DPP10: variants seen among roughly 807,000 people sequenced by gnomAD.
DPP10 encodes the protein dipeptidyl peptidase like 10.
In DPP10, 33 loss-of-function variants were observed where a neutral mutation model predicts 120.9. The ratio of observed to expected loss-of-function variants is 0.27; its 90% CI spans 0.21 to 0.37. DPP10 has a LOEUF of 0.37. DPP10 is among the 10% of genes least tolerant of loss of function. DPP10 has a pLI of 1.00. For synonymous variants in DPP10, 337 were observed against 326.1 expected, an observed-to-expected ratio of 1.03 and a Z score of -0.36; for missense variants, 816 against 942.8, an observed-to-expected ratio of 0.87 and a Z score of 1.76.
chr2:115,416,445 G>A (rs1356215494), intron 3 of DPP10, among the ~76,000 whole-genome samples: 1 of 152,074 alleles, frequency 6.6e-6, no homozygotes, highest in Admixed American at 6.6e-5. Context: ...AATGCAGGTG[G>A]ATAAGCAATA....
At chr2:114,889,785 A>G (rs1198888779) in intron 1 of DPP10, among the ~76,000 whole-genome samples, 1 of 152,222 alleles carries the variant, frequency 6.6e-6, no homozygotes, top group Non-Finnish European at 1.5e-5. Flanking sequence ...AATTTGACAG[A>G]TGATTGTCAC....
chr2:114,998,059 G>A (rs1701210441), intron 1 of DPP10, among the ~76,000 whole-genome samples: 1 of 152,122 alleles, frequency 6.6e-6, no homozygotes, highest in Non-Finnish European at 1.5e-5. Context: ...GCATCACCAT[G>A]ATTTCTCACT....
Position 115,625,085 on chromosome 2 carries a change from C to T in DPP10, c.442-64602C>T, listed in dbSNP as rs552547479. ...ACCTCTTTGGATAAATATATAAATG[C>T]TATTTAATAAAAAAAAAATGTGTCT... is the stretch of plus-strand genomic sequence containing the variant. On this transcript the variant is annotated intron_variant, in intron 5 of 25. Coordinates refer to ENST00000410059, the MANE Select transcript of DPP10 (RefSeq NM_020868.6). Among the ~76,000 whole-genome samples, 7 of 132,882 alleles carry T rather than the reference C, an allele frequency of 5.3e-5. No homozygotes were observed. The South Asian group carries it at 9.4e-4, about 18-fold the overall frequency. The allele number at this position is 132,882 out of a possible 152,430, so 87.2% of individuals were successfully genotyped here.
intron 1 of DPP10, among the ~76,000 whole-genome samples, chr2:114,602,885 T>G (rs902153164): frequency 6.6e-6 from 1 of 152,054 alleles, no homozygotes; most frequent in African/African-American, 2.4e-5. Context: ...AGAAACAATA[T>G]GAGATATTTA....
intron 21 of DPP10, among the ~76,000 whole-genome samples, chr2:115,822,967 TA>T: frequency 6.6e-6 from 1 of 152,210 alleles, no homozygotes; most frequent in East Asian, 1.9e-4. Context: ...GAGCTTTCTA[TA>T]AAAATGTTTA....
chr2:115,307,102 C>T (rs771008481), intron 1 of DPP10, among the ~76,000 whole-genome samples: 10 of 151,984 alleles, frequency 6.6e-5, no homozygotes, highest in South Asian at 2.1e-4. Context: ...CTTCAAATCC[C>T]GTTTTCTTAT....
intron 1 of DPP10, among the ~76,000 whole-genome samples, chr2:114,449,025 T>C (rs1210457662): frequency 6.6e-6 from 1 of 152,172 alleles, no homozygotes; most frequent in Non-Finnish European, 1.5e-5. Context: ...TATACTGACA[T>C]TTTGGCTTTT....
intron 1 of DPP10, among the ~76,000 whole-genome samples, chr2:114,633,029 G>A (rs7557857): frequency 0.097 from 14,691 of 151,746 alleles, 820 homozygotes; most frequent in Non-Finnish European, 0.13. Context: ...ATATAGCTCT[G>A]GTTCTTTTCA....
intron 3 of DPP10, among the ~76,000 whole-genome samples, chr2:115,409,941 A>G (rs906459890): frequency 3.9e-5 from 6 of 152,248 alleles, no homozygotes; most frequent in Non-Finnish European, 7.3e-5. Flanking sequence ...GTGTTCTCAC[A>G]TATAAGCAGG....
At chr2:115,182,124 A>C (rs1023964404) in intron 1 of DPP10, among the ~76,000 whole-genome samples, 4 of 152,232 alleles carry the variant, frequency 2.6e-5, no homozygotes, top group African/African-American at 9.6e-5. Context: ...TTTGAGAATA[A>C]ATCTAATGTA....
Position 115,225,118 on chromosome 2 carries a change from A to G in DPP10, c.61-84121A>G, listed in dbSNP as rs559965501. The stretch of plus-strand genomic sequence containing the variant: ...AGATAACAAGCATTGGCAAGTTGCC[A>G]TTTTTTTGATAAATTCTTAAGGCAT... On this transcript the variant is annotated intron_variant, in intron 1 of 25. Transcript: ENST00000410059. 1.8e-3 allele frequency among the ~76,000 whole-genome samples: 276 copies of G among 152,254 alleles called. 1 individual carries two copies. Among genetic ancestry groups the G allele is most frequent in the African/African-American group, 6.3e-3 (261 of 41,560 alleles).
intron 1 of DPP10, among the ~76,000 whole-genome samples, chr2:114,826,775 G>T (rs1686582360): frequency 6.6e-6 from 1 of 152,190 alleles, no homozygotes; most frequent in Non-Finnish European, 1.5e-5. Flanking sequence ...TGATCTGCCT[G>T]CCTCGGCCTC....
intron 5 of DPP10, among the ~76,000 whole-genome samples, chr2:115,527,908 G>T (rs548825029): frequency 6.7e-4 from 102 of 152,206 alleles, no homozygotes; most frequent in South Asian, 2.5e-3. Flanking sequence ...ATACATTGCA[G>T]TTGGAATGTA....
intron 1 of DPP10, among the ~76,000 whole-genome samples, chr2:114,746,092 T>G (rs1385248812): frequency 2.0e-5 from 3 of 152,226 alleles, no homozygotes; most frequent in Non-Finnish European, 4.4e-5. Flanking sequence ...TCTCTCCTTT[T>G]CTTTATTTCC....
chr2:114,858,114 C>T (rs923607145), intron 1 of DPP10, among the ~76,000 whole-genome samples: 21 of 152,130 alleles, frequency 1.4e-4, no homozygotes, highest in African/African-American at 2.2e-4. Flanking sequence ...CTCAGCCTCC[C>T]GAGTAGCTGG....
intron 19 of DPP10, among the ~76,000 whole-genome samples, chr2:115,796,018 C>A (rs1684488217): frequency 6.6e-6 from 1 of 152,046 alleles, no homozygotes; most frequent in East Asian, 1.9e-4. Context: ...TCTCATTATT[C>A]ATTCATCATT....
intron 5 of DPP10, among the ~76,000 whole-genome samples, chr2:115,528,477 G>A (rs1476545471): frequency 2.7e-5 from 4 of 148,288 alleles, no homozygotes; most frequent in Non-Finnish European, 4.5e-5. Flanking sequence ...ACTACCATCC[G>A]ACCCAGCAAT....
chr2:114,774,082 A>T (rs1681509633), intron 1 of DPP10, among the ~76,000 whole-genome samples: 1 of 152,132 alleles, frequency 6.6e-6, no homozygotes, highest in African/African-American at 2.4e-5. Context: ...TAGTAACCTG[A>T]TGGCTAAGAA....
Position 114,572,360 on chromosome 2 carries a change from T to C in DPP10, c.60+129522T>C, listed in dbSNP as rs144718630. 9.9e-5 allele frequency among the ~76,000 whole-genome samples: 15 copies of C among 152,166 alleles called. No homozygotes were observed. The East Asian group carries it at 2.7e-3, about 27-fold the overall frequency. On this transcript the variant is annotated intron_variant, in intron 1 of 25. Coordinates refer to ENST00000410059, the MANE Select transcript of DPP10 (RefSeq NM_020868.6). ...AAAACATGAAATAGGCCCCCCAAAA[T>C]AATACAACTTGTTTATGGGAAAGAA...
Sources: gnomAD v4.1 joint callset for allele counts (sites outside exome capture counted in the v4.1 genomes callset) on GRCh38, gnomAD v4.1.1 for gene constraint, MANE v1.5 for transcripts, NCBI Gene and HGNC (gene_info 2026-07-23, HGNC 2026-07-21) for gene names.